The following JAK2 variants were observed in gnomAD, a reference collection of about 807,000 sequenced individuals.
JAK2 encodes the protein Janus kinase 2.
JAK2 carries 86 observed loss-of-function variants against 139.3 expected under a neutral mutation model. The observed-to-expected ratio is 0.62, with a 90% confidence interval of 0.52 to 0.74. JAK2 has a LOEUF of 0.74. Among genes scored for constraint, JAK2 ranks in the 30% least tolerant of loss-of-function variants. The pLI is 0.00. For synonymous variants in JAK2, 490 were observed against 437.7 expected, an observed-to-expected ratio of 1.12 and a Z score of -1.49; for missense variants, 1,421 against 1,360.3, an observed-to-expected ratio of 1.04 and a Z score of -0.70.
At chr9:5,066,832 C>A in intron 10 of JAK2, 43 bp downstream of exon 10, 1 of 818,732 alleles carries the variant, frequency 1.2e-6, no homozygotes, top group Non-Finnish European at 1.8e-6. Flanking sequence ...TTATTTAGTT[C>A]ATTTAATTTC....
intron 18 of JAK2, among the ~76,000 whole-genome samples, chr9:5,080,899 T>C (rs897105420): frequency 7.9e-5 from 11 of 139,168 alleles, no homozygotes; most frequent in African/African-American, 1.6e-4. Context: ...TTTCTTTTTT[T>C]TTTTTTTTTT....
chr9:5,099,155 G>T (rs1821265257), intron 22 of JAK2: 1 of 152,022 alleles, frequency 6.6e-6, no homozygotes, highest in Admixed American at 6.6e-5. Flanking sequence ...CCCTTATTAG[G>T]CCTCAAAACA....
chr9:5,083,468 C>T (rs1303961802), intron 19 of JAK2, among the ~76,000 whole-genome samples: 1 of 152,206 alleles, frequency 6.6e-6, no homozygotes, highest in Non-Finnish European at 1.5e-5. Context: ...CCTGAAATAT[C>T]TCCAGATGTC....
chr9:5,083,579 C>T (rs1387872888), intron 19 of JAK2, among the ~76,000 whole-genome samples: 3 of 151,974 alleles, frequency 2.0e-5, no homozygotes, highest in African/African-American at 4.8e-5. Flanking sequence ...TTTTTGTTTG[C>T]TTGCCCTTTT....
At chr9:5,112,501 G>A (rs1425453112) in intron 22 of JAK2, 1 of 564,838 alleles carries the variant, frequency 1.8e-6, no homozygotes, top group East Asian at 3.2e-5. Flanking sequence ...CGAGGAGGAA[G>A]ATGACCTTTT....
chr9:5,017,802 T>TTTG (rs555352310), intron 2 of JAK2, among the ~76,000 whole-genome samples: 1 of 152,190 alleles, frequency 6.6e-6, no homozygotes, highest in Non-Finnish European at 1.5e-5. Context: ...ATTGCCAGGT[T>TTTG]TTGTTGTTGT....
chr9:5,121,054 G>C (rs953510645), intron 22 of JAK2, among the ~76,000 whole-genome samples: 1 of 152,078 alleles, frequency 6.6e-6, no homozygotes, highest in Non-Finnish European at 1.5e-5. Flanking sequence ...AACCAAGAGA[G>C]GAATAAATCT....
intron 23 of JAK2, among the ~76,000 whole-genome samples, chr9:5,125,415 T>C (rs1386310137): frequency 2.0e-5 from 3 of 151,496 alleles, no homozygotes; most frequent in African/African-American, 7.2e-5. Context: ...AGGCTATATA[T>C]GTCTGAACAA....
chr9:5,090,620 T>C, intron 21 of JAK2, 50 bp downstream of exon 21: 3 of 1,542,394 alleles, frequency 1.9e-6, no homozygotes, highest in South Asian at 1.3e-5. Context: ...CGTGTTGAAG[T>C]AGACATTAGG....
rs1321151153 is a variant in JAK2 at position 5,085,499 on chromosome 9, C to T, written c.2571+3638C>T. On this transcript the variant is annotated intron_variant, in intron 19 of 24. Coordinates refer to ENST00000381652, the MANE Select transcript of JAK2 (RefSeq NM_004972.4). ...CTCTCATGCTCATTTTCTTTTGACCCGAGCTGAAGAAATTCACCACACACC... is the reference window on the plus strand; with the variant it reads ...CTCTCATGCTCATTTTCTTTTGACCTGAGCTGAAGAAATTCACCACACACC... 1.4e-5 allele frequency: 10 copies of T among 719,024 alleles called. No individual in the cohort carries two copies. The South Asian group carries it at 1.4e-4, about 10-fold the overall frequency. The allele number at this position is 719,024 out of a possible 1,614,324, so 44.5% of individuals were successfully genotyped here.
intron 2 of JAK2, among the ~76,000 whole-genome samples, chr9:5,014,483 G>C (rs1821918810): frequency 6.6e-6 from 1 of 152,156 alleles, no homozygotes; most frequent in African/African-American, 2.4e-5. Context: ...TTTCATTCTA[G>C]TGGTACAAGA....
intron 22 of JAK2, among the ~76,000 whole-genome samples, chr9:5,113,096 C>T (rs1230820544): frequency 6.6e-6 from 1 of 151,996 alleles, no homozygotes; most frequent in Non-Finnish European, 1.5e-5. Context: ...GCCCTCGCTC[C>T]CCCTGCCCCC....
At chr9:5,028,317 T>G (rs909275891) in intron 3 of JAK2, among the ~76,000 whole-genome samples, 3 of 152,180 alleles carry the variant, frequency 2.0e-5, no homozygotes, top group African/African-American at 4.8e-5. Context: ...TTTCTGAGCT[T>G]TAGGTCTCAA....
intron 22 of JAK2, among the ~76,000 whole-genome samples, chr9:5,096,394 T>C (rs902331085): frequency 1.3e-5 from 2 of 152,186 alleles, no homozygotes; most frequent in Non-Finnish European, 2.9e-5. Context: ...ACCACTTTAA[T>C]TAAGCTAAGT....
chr9:4,992,652 A>G (rs1298530534), intron 2 of JAK2, among the ~76,000 whole-genome samples: 1 of 152,198 alleles, frequency 6.6e-6, no homozygotes, highest in Admixed American at 6.5e-5. Flanking sequence ...AATCAGGTCC[A>G]GGTACAGAAT....
At chr9:4,987,970 A>G (rs1293318985) in intron 2 of JAK2, among the ~76,000 whole-genome samples, 1 of 152,176 alleles carries the variant, frequency 6.6e-6, no homozygotes. Flanking sequence ...CCTTTCTAGT[A>G]TAAAGAGATA....
chr9:5,102,690 A>T (rs146918169), intron 22 of JAK2, among the ~76,000 whole-genome samples: 17,301 of 152,166 alleles, frequency 0.11, 3,048 homozygotes, highest in African/African-American at 0.38. Flanking sequence ...CTAACAGCGG[A>T]TCTCTCAGCA....
Position 5,044,120 on chromosome 9 carries a change from A to T in JAK2, c.351-283A>T, listed in dbSNP as rs1816825502. On this transcript the variant is annotated intron_variant, in intron 4 of 24. Coordinates refer to ENST00000381652, the MANE Select transcript of JAK2 (RefSeq NM_004972.4). ...TGTTACTGGATTAAGCTATGTTTTTAACTTTTTGTTAATTTCTACATTTTT... is the reference window on the plus strand; with the variant it reads ...TGTTACTGGATTAAGCTATGTTTTTTACTTTTTGTTAATTTCTACATTTTT... 3.3e-5 allele frequency among the ~76,000 whole-genome samples: 5 copies of T among 152,220 alleles called. No individual in the cohort carries two copies. In the South Asian group the frequency reaches 1.0e-3, roughly 32 times the overall value.
At chr9:4,998,739 A>G (rs1020563058) in intron 2 of JAK2, among the ~76,000 whole-genome samples, 2 of 139,434 alleles carry the variant, frequency 1.4e-5, no homozygotes, top group African/African-American at 5.1e-5. Context: ...AACCACAAAA[A>G]ACAAAAAAAA....
Sources: allele counts gnomAD v4.1 joint callset (sites outside exome capture counted in the v4.1 genomes callset), GRCh38; gene constraint gnomAD v4.1.1; transcripts MANE v1.5; gene names NCBI Gene and HGNC (gene_info 2026-07-23, HGNC 2026-07-21).